ADPGK: variants seen among roughly 807,000 people sequenced by gnomAD.
The protein encoded by ADPGK is ADP-dependent glucokinase.
In ADPGK, 26 loss-of-function variants were observed where a neutral mutation model predicts 42.4. The observed-to-expected ratio is 0.61, with a 90% confidence interval of 0.45 to 0.85. The LOEUF is 0.85. Among genes scored for constraint, ADPGK ranks in the 40% least tolerant of loss-of-function variants. The pLI is 0.00. For synonymous variants in ADPGK, 267 were observed against 252.6 expected (o/e 1.06, Z -0.54); for missense variants, 571 against 627.0 (o/e 0.91, Z 0.95).
chr15:72,756,185 A>G, intron 5 of ADPGK, 66 bp downstream of exon 5: 3 of 1,592,462 alleles, frequency 1.9e-6, no homozygotes, highest in African/African-American at 1.3e-5. Flanking sequence ...GCAGATGCCA[A>G]GAGAGGCTGG....
chr15:72,773,116 TA>T (rs34084971), intron 2 of ADPGK, among the ~76,000 whole-genome samples: 7 of 148,178 alleles, frequency 4.7e-5, no homozygotes, highest in African/African-American at 7.4e-5. Context: ...GATGAGCTAT[TA>T]AAAAAAAAGG....
chr15:72,768,108 A>G (rs539000112), intron 3 of ADPGK, among the ~76,000 whole-genome samples: 2 of 152,164 alleles, frequency 1.3e-5, no homozygotes, highest in African/African-American at 4.8e-5. Flanking sequence ...AATTGTAGAG[A>G]TCTTAAAGGA....
At chr15:72,770,707 A>G (rs554724172) in intron 3 of ADPGK, among the ~76,000 whole-genome samples, 3 of 152,310 alleles carry the variant, frequency 2.0e-5, no homozygotes, top group Admixed American at 6.5e-5. Flanking sequence ...TTCTACCCTA[A>G]TATTTCATGA....
Position 72,763,204 on chromosome 15 carries a change from T to G in ADPGK, c.523-2677A>C, listed in dbSNP as rs138251731. Among the ~76,000 whole-genome samples, 48 of 152,124 alleles carry G rather than the reference T, an allele frequency of 3.2e-4. No homozygotes were observed. In the East Asian group the frequency reaches 9.1e-3, roughly 29 times the overall value. The stretch of plus-strand genomic sequence containing the variant: ...TTTTGCTCTGTGGCTCAGGCTGGAG[T>G]GCAGTGGCGTGATCTTGGCTCACTG... On this transcript the variant is annotated intron_variant, in intron 3 of 6. Transcript: ENST00000456471.
In ADPGK at chr15:72,783,491, C is replaced by T; in HGVS notation, c.201G>A (p.Arg67=). The T allele has an allele frequency of 7.0e-7, 1 of 1,431,000 alleles. No individual in the cohort carries two copies. The highest frequency in any genetic ancestry group is 9.1e-7 in the Non-Finnish European group (1 of 1,099,026). 88.6% of individuals were successfully genotyped at this position (1,431,000 alleles called of 1,614,324 possible). A position where few individuals can be genotyped will look rare whatever the true frequency, so the allele number is the denominator to read the frequency against. The change falls in exon 1 of 7, where the codon CGG becomes CGA. Residue 67 remains arginine (R), a synonymous_variant. Coordinates refer to ENST00000456471, the MANE Select transcript of ADPGK (RefSeq NM_001365225.1). The part of the protein sequence containing the change: ...LAAAWDALIV[R]PVRRWRRVAV... ...CCACGCGGCGCCAGCGCCGGACTGG[C>T]CGCACGATAAGCGCGTCCCAGGCTG...
intron 3 of ADPGK, among the ~76,000 whole-genome samples, chr15:72,764,764 T>C (rs933966620): frequency 5.3e-4 from 81 of 152,294 alleles, no homozygotes; most frequent in African/African-American, 1.9e-3. Flanking sequence ...TAGAAGTCAA[T>C]GCCTACCTTC....
intron 4 of ADPGK, chr15:72,757,201 C>CTTTTT (rs34450649): frequency 8.1e-6 from 1 of 123,396 alleles, no homozygotes; most frequent in Admixed American, 8.7e-5. Flanking sequence ...TTCTTTTTTC[C>CTTTTT]TTTTTTTTTT....
At chr15:72,761,675 CA>C (rs1461908997) in intron 3 of ADPGK, among the ~76,000 whole-genome samples, 1 of 151,410 alleles carries the variant, frequency 6.6e-6, no homozygotes, top group African/African-American at 2.4e-5. Context: ...GGAAAGTCCA[CA>C]GAGATTATCA....
At position 72,753,138 on chromosome 15, in the gene ADPGK, G is replaced by A. The variant is rs145050119; in HGVS notation, c.940-243C>T. Among the ~76,000 whole-genome samples, 38 of 152,298 alleles carry A rather than the reference G, an allele frequency of 2.5e-4. 1 individual carries two copies. In the East Asian group the frequency reaches 7.1e-3, roughly 29 times the overall value. ...TTTCAGATGCAGTCTTTTGTGATAT[G>A]CCACTGTAAGACAAAAGGCAGAGGT... On this transcript the variant is annotated intron_variant, in intron 6 of 6. Coordinates refer to ENST00000456471, the MANE Select transcript of ADPGK (RefSeq NM_001365225.1).
chr15:72,761,180 A>G (rs1168284214), intron 3 of ADPGK, among the ~76,000 whole-genome samples: 1 of 152,122 alleles, frequency 6.6e-6, no homozygotes, highest in Non-Finnish European at 1.5e-5. Context: ...CCCCAAGTCT[A>G]TGGTATTGTG....
chr15:72,771,598 A>G (rs1034036741), intron 3 of ADPGK, among the ~76,000 whole-genome samples, 185 bp downstream of exon 3: 1 of 152,264 alleles, frequency 6.6e-6, no homozygotes, highest in Non-Finnish European at 1.5e-5. Context: ...TCAGGCACAG[A>G]GTAAACACTC....
At chr15:72,770,413 C>T (rs1165638520) in intron 3 of ADPGK, among the ~76,000 whole-genome samples, 3 of 152,162 alleles carry the variant, frequency 2.0e-5, no homozygotes, top group South Asian at 2.1e-4. Flanking sequence ...CAGCCATGAC[C>T]GTCCTGGGTA....
In ADPGK at chr15:72,783,682, A is replaced by C; in HGVS notation, c.10T>G (p.Trp4Gly). The change falls in exon 1 of 7, where the codon TGG becomes GGG. Residue 4 changes from tryptophan (W) to glycine (G), a missense_variant. Around this residue, in one of 2 missense-constraint regions of ADPGK, gnomAD observed 137 missense variants for 104.2 expected, o/e 1.31. Coordinates refer to ENST00000456471, the MANE Select transcript of ADPGK (RefSeq NM_001365225.1). ...AAGCCCGCGTACGCGGAGCCGCGCCACAGCGCCATGGGGACCCAGGCGCCG... is the reference window on the plus strand; with the variant it reads ...AAGCCCGCGTACGCGGAGCCGCGCCCCAGCGCCATGGGGACCCAGGCGCCG... MAL[W>G]RGSAYAGFLA... is the part of the protein sequence containing the mutation. The C allele has an allele frequency of 6.7e-7, 1 of 1,496,832 alleles. No homozygotes were observed. The highest frequency in any genetic ancestry group is 8.9e-7 in the Non-Finnish European group (1 of 1,129,896). 92.7% of individuals were successfully genotyped at this position (1,496,832 alleles called of 1,614,324 possible).
intron 3 of ADPGK, among the ~76,000 whole-genome samples, chr15:72,763,762 T>C (rs974678126): frequency 6.6e-6 from 1 of 152,224 alleles, no homozygotes; most frequent in Admixed American, 6.5e-5. Flanking sequence ...TGACAGTTTG[T>C]GGCAACCCTG....
rs1399594667 is a variant in ADPGK at position 72,783,672 on chromosome 15, G to C, written c.20C>G (p.Ser7Cys). The change falls in exon 1 of 7, where the codon TCC becomes TGC. Residue 7 changes from serine (S) to cysteine (C), a missense_variant. Around this residue, in one of 2 missense-constraint regions of ADPGK, gnomAD observed 137 missense variants for 104.2 expected, o/e 1.31. Transcript: ENST00000456471. MALWRG[S>C]AYAGFLALAV... Reference sequence around the variant, plus strand: ...CAGCGCCAGGAAGCCCGCGTACGCGGAGCCGCGCCACAGCGCCATGGGGAC... The same window carrying C: ...CAGCGCCAGGAAGCCCGCGTACGCGCAGCCGCGCCACAGCGCCATGGGGAC... 1 of 1,502,380 alleles carries C rather than the reference G, an allele frequency of 6.7e-7. No homozygotes were observed. Among genetic ancestry groups the C allele is most frequent in the Admixed American group, 2.1e-5 (1 of 47,280 alleles). The allele number at this position is 1,502,380 out of a possible 1,614,324, so 93.1% of individuals were successfully genotyped here.
intron 3 of ADPGK, among the ~76,000 whole-genome samples, chr15:72,765,769 A>C (rs28762089): frequency 0.013 from 2,025 of 152,288 alleles, 46 homozygotes; most frequent in African/African-American, 0.046. Flanking sequence ...GATGTGACTG[A>C]ATTATTGTAT....
chr15:72,773,057 A>G (rs2066348177), intron 2 of ADPGK, among the ~76,000 whole-genome samples: 1 of 152,106 alleles, frequency 6.6e-6, no homozygotes, highest in Non-Finnish European at 1.5e-5. Flanking sequence ...GCCACACTGG[A>G]AGAATTGTCT....
Position 72,751,846 on chromosome 15 carries a change from GAGC to G in ADPGK, c.*492_*494del, listed in dbSNP as rs139672745. 261 of 157,688 alleles carry G rather than the reference GAGC, an allele frequency of 1.7e-3. No individual in the cohort carries two copies. The highest frequency in any genetic ancestry group is 3.1e-3 in the Non-Finnish European group (220 of 71,088). The allele number at this position is 157,688 out of a possible 1,614,324, so 9.8% of individuals were successfully genotyped here. ...CTTAGCGGCTCTGTCCTAAATTTGAGAGCAGGAGACTGAGAAGGTTATGCTCAT... is the reference window on the plus strand; with the variant it reads ...CTTAGCGGCTCTGTCCTAAATTTGAGAGGAGACTGAGAAGGTTATGCTCAT... On this transcript the variant is annotated 3_prime_UTR_variant, in exon 7 of 7. Transcript: ENST00000456471.
chr15:72,771,642 T>C, intron 3 of ADPGK, 141 bp downstream of exon 3: 1 of 656,050 alleles, frequency 1.5e-6, no homozygotes, highest in Non-Finnish European at 2.6e-6. Context: ...CTACTATTAC[T>C]GCTTCCTAAC....
Sources: gnomAD v4.1 joint callset for allele counts (sites outside exome capture counted in the v4.1 genomes callset) on GRCh38, gnomAD v4.1.1 for gene constraint, gnomAD v4.1.1 regional missense constraint, MANE v1.5 for transcripts, NCBI Gene and HGNC (gene_info 2026-07-23, HGNC 2026-07-21) for gene names.